WDR33: variants seen among roughly 807,000 people sequenced by gnomAD.
WDR33 encodes the protein pre-mRNA 3' end processing protein WDR33.
Under a neutral mutation model 164.9 loss-of-function variants are expected in WDR33, and 47 were observed. The ratio of observed to expected loss-of-function variants is 0.29; its 90% CI spans 0.23 to 0.36. The LOEUF (loss-of-function observed/expected upper bound fraction) is 0.36. WDR33 is among the 10% of genes least tolerant of loss of function. WDR33 has a pLI of 1.00. For missense variants in WDR33, 1,137 were observed against 1,754.1 expected, an observed-to-expected ratio of 0.65 and a Z score of 6.28; for synonymous variants, 505 against 589.0, an observed-to-expected ratio of 0.86 and a Z score of 2.06.
chr2:127,711,946 G>T (rs990358321), intron 18 of WDR33, among the ~76,000 whole-genome samples: 3 of 149,630 alleles, frequency 2.0e-5, no homozygotes, highest in Non-Finnish European at 3.0e-5. Context: ...CTAATTTTTT[G>T]TATCTTTAGT....
rs768935897 is a variant in WDR33 at position 127,722,015 on chromosome 2, G to A, written c.1519-27C>T. The A allele has an allele frequency of 1.9e-5, 31 of 1,600,948 alleles. 1 individual carries two copies. The highest frequency in any genetic ancestry group is 1.9e-4 in the South Asian group (17 of 88,704). ...TTGGGAAAGAAGAGAATATTAAAAT[G>A]TACGCTAAGTATGAAAATTACAATG... On this transcript the variant is annotated intron_variant, in intron 14 of 21. Transcript: ENST00000322313. The surrounding 1 kb of genome is among the most constrained non-coding windows in gnomAD (Gnocchi z 5.1).
chr2:127,739,073 T>C (rs893565503), intron 7 of WDR33, among the ~76,000 whole-genome samples: 1 of 152,108 alleles, frequency 6.6e-6, no homozygotes, highest in African/African-American at 2.4e-5. Flanking sequence ...AGTAGGAAAA[T>C]CCAAACCAGT....
intron 7 of WDR33, among the ~76,000 whole-genome samples, chr2:127,742,046 C>T (rs1368090546): frequency 6.6e-6 from 1 of 151,480 alleles, no homozygotes; most frequent in Admixed American, 6.6e-5. Flanking sequence ...ACTAAAAATA[C>T]AAAAAATTAG....
At position 127,709,700 on chromosome 2, in the gene WDR33, G is replaced by T. The variant is rs754051729; in HGVS notation, c.3465C>A (p.Thr1155=). ...CTTTAGTAACTCGCTCACCTCGTGG[G>T]GTACCCCGACCTCGACCTCTGAGAT... ...GRDLRGRGRG[T]PRGGRKGLLP... Residue 1155 remains threonine, a synonymous_variant, in exon 19 of 22, where the codon ACC becomes ACA. Coordinates refer to ENST00000322313, the MANE Select transcript of WDR33 (RefSeq NM_018383.5). This position sits in a 1 kb window ranked among gnomAD's most constrained non-coding sequence, Gnocchi z 5.0. 5 of 1,614,060 alleles carry T rather than the reference G, an allele frequency of 3.1e-6. No individual in the cohort carries two copies. The South Asian group carries it at 5.5e-5, about 18-fold the overall frequency.
intron 7 of WDR33, among the ~76,000 whole-genome samples, chr2:127,727,720 C>T (rs760282764): frequency 5.3e-5 from 8 of 152,124 alleles, no homozygotes; most frequent in Non-Finnish European, 1.0e-4. Context: ...AAACTGGATG[C>T]TGTACAAAGC....
In WDR33 at chr2:127,719,807, T is replaced by C. The variant is rs376332017; in HGVS notation, c.2218A>G (p.Met740Val). The change falls in exon 16 of 22, where the codon ATG becomes GTG. Residue 740 changes from methionine to valine, a missense_variant. Around this residue, in one of 9 missense-constraint regions of WDR33, gnomAD observed 867 missense variants for 1,073.0 expected, o/e 0.81. Transcript: ENST00000322313. The surrounding 1 kb of genome is among the most constrained non-coding windows in gnomAD (Gnocchi z 6.5). ...GPQGPPGTQGMQGPPGPRGMQ... is the reference protein window; with the variant it reads ...GPQGPPGTQGVQGPPGPRGMQ... ...CCTCTGGGACCAGGTGGTCCCTGCATACCTTGAGTACCCGGAGGCCCCTGT... is the reference window on the plus strand; with the variant it reads ...CCTCTGGGACCAGGTGGTCCCTGCACACCTTGAGTACCCGGAGGCCCCTGT... 8.9e-5 allele frequency: 143 copies of C among 1,613,576 alleles called. No homozygotes were observed. The highest frequency in any genetic ancestry group is 1.1e-4 in the Non-Finnish European group (135 of 1,179,976).
chr2:127,730,459 G>T (rs964139629), intron 7 of WDR33, among the ~76,000 whole-genome samples: 1 of 148,136 alleles, frequency 6.8e-6, no homozygotes, highest in Non-Finnish European at 1.5e-5. Flanking sequence ...TAATTTAAGT[G>T]GATTAAAAAA....
Position 127,709,734 on chromosome 2 carries a change from C to T in WDR33, c.3431G>A (p.Arg1144Gln), listed in dbSNP as rs781437578. The change falls in exon 19 of 22, where the codon CGA (arginine) becomes CAA (glutamine). Residue 1144 changes from arginine (R) to glutamine (Q), a missense_variant. By Grantham distance (43) the Arg-to-Gln change is conservative. Around this residue, in one of 9 missense-constraint regions of WDR33, gnomAD observed 867 missense variants for 1,073.0 expected, o/e 0.81. Transcript: ENST00000322313. This position sits in a 1 kb window ranked among gnomAD's most constrained non-coding sequence, Gnocchi z 5.0. ...ENFDASEEAA[R>Q]GRDLRGRGRG... ...ACCTCGACCTCTGAGATCTCGTCCT[C>T]GGGCCGCTTCCTCAGAAGCATCAAA... The T allele has an allele frequency of 1.1e-5, 18 of 1,614,124 alleles. No homozygotes were observed. The highest frequency in any genetic ancestry group is 4.4e-5 in the South Asian group (4 of 91,082).
At chr2:127,805,546 C>A (rs144525810) in intron 1 of WDR33, among the ~76,000 whole-genome samples, 2 of 152,168 alleles carry the variant, frequency 1.3e-5, no homozygotes, top group African/African-American at 4.8e-5. Context: ...AAATATGGAA[C>A]GTTCTTTAAA....
chr2:127,752,616 A>G (rs971386892), intron 7 of WDR33, among the ~76,000 whole-genome samples: 27 of 151,458 alleles, frequency 1.8e-4, no homozygotes, highest in African/African-American at 5.8e-4. Flanking sequence ...AAAAAAAAAA[A>G]AAAAGAAACA....
At chr2:127,732,027 G>A (rs1195113312) in intron 7 of WDR33, among the ~76,000 whole-genome samples, 1 of 151,944 alleles carries the variant, frequency 6.6e-6, no homozygotes, top group Non-Finnish European at 1.5e-5. Flanking sequence ...GGTCAAGGCT[G>A]CAGTGAGTTG....
At chr2:127,789,104 GCGGCCGGGC>G (rs1573465297) in intron 1 of WDR33, among the ~76,000 whole-genome samples, 1 of 39,764 alleles carries the variant, frequency 2.5e-5, no homozygotes, top group East Asian at 5.8e-4. Context: ...CAGACGATGG[GCGGCCGGGC>G]AGAGACGCTC....
Position 127,710,686 on chromosome 2 carries a change from T to C in WDR33, c.3309-830A>G, listed in dbSNP as rs1001783637. On this transcript the variant is annotated intron_variant, in intron 18 of 21. Transcript: ENST00000322313. This position sits in a 1 kb window ranked among gnomAD's most constrained non-coding sequence, Gnocchi z 4.4. Reference sequence around the variant, plus strand: ...GAGGTCTGTGCGAAAGAAGAGAAAGTGACCTTCTGGCAGCGCTCACTGAGA... The same window carrying C: ...GAGGTCTGTGCGAAAGAAGAGAAAGCGACCTTCTGGCAGCGCTCACTGAGA... Among the ~76,000 whole-genome samples the C allele has an allele frequency of 1.1e-4, 17 of 152,140 alleles. No individual in the cohort carries two copies. Among genetic ancestry groups the C allele is most frequent in the African/African-American group, 3.9e-4 (16 of 41,432 alleles).
intron 1 of WDR33, among the ~76,000 whole-genome samples, chr2:127,796,799 G>T (rs1202233567): frequency 3.3e-5 from 5 of 151,894 alleles, no homozygotes; most frequent in South Asian, 4.1e-4. Context: ...TAGGTTCAGG[G>T]GAAAAGTTTC....
intron 7 of WDR33, among the ~76,000 whole-genome samples, chr2:127,727,920 C>T (rs1222408232): frequency 6.6e-6 from 1 of 152,062 alleles, no homozygotes; most frequent in African/African-American, 2.4e-5. Flanking sequence ...GTAGAGGCAC[C>T]GACAGTGATT....
At chr2:127,749,321 G>C (rs568922955) in intron 7 of WDR33, among the ~76,000 whole-genome samples, 16 of 152,118 alleles carry the variant, frequency 1.1e-4, no homozygotes, top group Non-Finnish European at 2.2e-4. Flanking sequence ...GTGACTGAGT[G>C]AAACGGTCTC....
chr2:127,720,069 G>C lies in WDR33; in HGVS notation c.1956C>G (p.Phe652Leu). 6.2e-7 allele frequency: 1 copy of C among 1,614,144 alleles called. No homozygotes were observed. The highest frequency in any genetic ancestry group is 8.5e-7 in the Non-Finnish European group (1 of 1,180,004). Residue 652 changes from phenylalanine to leucine, a missense_variant, in exon 16 of 22, where the codon TTC (phenylalanine) becomes TTG (leucine). Transcript: ENST00000322313. This position sits in a 1 kb window ranked among gnomAD's most constrained non-coding sequence, Gnocchi z 5.9. ...LHQGGGGPQG[F>L]MGPQGPQGPP... is the part of the protein sequence containing the mutation. ...GGCCCTGGGGCCCCTGTGGTCCCAT[G>C]AATCCTTGTGGCCCCCCACCTCCCT...
rs1037555283 is a variant in WDR33 at position 127,738,527 on chromosome 2, A to G, written c.725-11750T>C. 6.6e-6 allele frequency among the ~76,000 whole-genome samples: 1 copy of G among 152,136 alleles called. No individual in the cohort carries two copies. The highest frequency in any genetic ancestry group is 1.5e-5 in the Non-Finnish European group (1 of 68,036). ...TACAGTATGAAAAGTGGGAAATAAG[A>G]GTAGCTGTTGTTGAAGAAACTTGAC... On this transcript the variant is annotated intron_variant, in intron 7 of 21. Transcript: ENST00000322313. The surrounding 1 kb of genome is among the most constrained non-coding windows in gnomAD (Gnocchi z 4.4).
chr2:127,764,290 A>G lies in WDR33; in HGVS notation c.626+538T>C. 1 of 1,280,330 alleles carries G rather than the reference A, an allele frequency of 7.8e-7. No individual in the cohort carries two copies. The highest frequency in any genetic ancestry group is 9.9e-7 in the Non-Finnish European group (1 of 1,012,618). 79.3% of individuals were successfully genotyped at this position (1,280,330 alleles called of 1,614,324 possible). ...CTGCTTACAGCTGCAAAGCTTGAAG[A>G]ACCCATTCATTACTCCGTTAATGTT... On this transcript the variant is annotated intron_variant, in intron 6 of 21. Coordinates refer to ENST00000322313, the MANE Select transcript of WDR33 (RefSeq NM_018383.5). This position sits in a 1 kb window ranked among gnomAD's most constrained non-coding sequence, Gnocchi z 6.2.
Sources: allele counts gnomAD v4.1 joint callset (sites outside exome capture counted in the v4.1 genomes callset), GRCh38; gene constraint gnomAD v4.1.1; regional missense constraint gnomAD v4.1.1; non-coding constraint Gnocchi (gnomAD v3.1); transcripts MANE v1.5; gene names NCBI Gene and HGNC (gene_info 2026-07-23, HGNC 2026-07-21).